The following PPM1L variants were observed in gnomAD, a reference collection of about 807,000 sequenced individuals.
PPM1L encodes protein phosphatase 1L.
In PPM1L, 13 loss-of-function variants were observed where a neutral mutation model predicts 31.4. The ratio of observed to expected loss-of-function variants is 0.41; its 90% CI spans 0.27 to 0.66. The LOEUF is 0.66. PPM1L is among the 30% of genes least tolerant of loss of function. The probability of loss-of-function intolerance (pLI) is 0.29; values close to 1 mark genes in which losing one functional copy is unlikely to be tolerated. For synonymous variants in PPM1L, 184 were observed against 175.4 expected, an observed-to-expected ratio of 1.05 and a Z score of -0.39; for missense variants, 326 against 453.7, an observed-to-expected ratio of 0.72 and a Z score of 2.56.
chr3:161,067,893 T>G (rs891467657), intron 3 of PPM1L, among the ~76,000 whole-genome samples: 1 of 152,256 alleles, frequency 6.6e-6, no homozygotes, highest in African/African-American at 2.4e-5. Flanking sequence ...CCTACAGCAT[T>G]TAGCAGACAC....
intron 1 of PPM1L, among the ~76,000 whole-genome samples, chr3:160,881,466 G>A (rs1712710517): frequency 6.6e-6 from 1 of 151,924 alleles, no homozygotes; most frequent in African/African-American, 2.4e-5. Context: ...AAGCCTGATT[G>A]GTATATAATA....
Position 160,857,418 on chromosome 3 carries a change from G to C in PPM1L, c.399+100711G>C, listed in dbSNP as rs534994485. 1.4e-4 allele frequency among the ~76,000 whole-genome samples: 21 copies of C among 152,230 alleles called. No homozygotes were observed. In the South Asian group the frequency reaches 4.1e-3, roughly 30 times the overall value. On this transcript the variant is annotated intron_variant, in intron 1 of 3. Transcript: ENST00000498165. ...CAGTTGTTTTTTGGTTGTGTTTCTG[G>C]TTGGATAATCCAGATCAGACTTTGT...
chr3:160,766,180 TA>T (rs1273971509), intron 1 of PPM1L, among the ~76,000 whole-genome samples: 1 of 152,190 alleles, frequency 6.6e-6, no homozygotes, highest in East Asian at 1.9e-4. Flanking sequence ...AGAGCATTTT[TA>T]TTAATATTTA....
intron 1 of PPM1L, among the ~76,000 whole-genome samples, chr3:160,907,562 A>G (rs1713806058): frequency 6.6e-6 from 1 of 152,054 alleles, no homozygotes; most frequent in African/African-American, 2.4e-5. Flanking sequence ...TCTTGTATAT[A>G]TAAGTGTTTT....
At chr3:160,984,800 T>G (rs1212061114) in intron 2 of PPM1L, among the ~76,000 whole-genome samples, 1 of 152,174 alleles carries the variant, frequency 6.6e-6, no homozygotes, top group African/African-American at 2.4e-5. Context: ...ATGAACTCTT[T>G]CCTTTACAAG....
intron 2 of PPM1L, among the ~76,000 whole-genome samples, chr3:161,042,555 C>G (rs1718941937): frequency 6.6e-6 from 1 of 152,184 alleles, no homozygotes; most frequent in African/African-American, 2.4e-5. Flanking sequence ...TCCATGCCAC[C>G]TGGCAGTTTT....
chr3:160,970,939 C>T (rs928842089), intron 2 of PPM1L, among the ~76,000 whole-genome samples: 1 of 151,808 alleles, frequency 6.6e-6, no homozygotes, highest in African/African-American at 2.4e-5. Flanking sequence ...TACAGGCGCC[C>T]GCCACCTCGC....
chr3:160,940,722 C>T (rs761007263), intron 1 of PPM1L, among the ~76,000 whole-genome samples: 8 of 152,302 alleles, frequency 5.3e-5, no homozygotes, highest in South Asian at 2.1e-4. Context: ...TTGCTGCAGG[C>T]GTGGGGCCCT....
At chr3:160,924,622 C>T (rs1476884617) in intron 1 of PPM1L, among the ~76,000 whole-genome samples, 1 of 152,150 alleles carries the variant, frequency 6.6e-6, no homozygotes. Context: ...ACGCAGCATC[C>T]TTAGTATAGT....
chr3:160,835,093 T>TTTCTTTC (rs1713669968), intron 1 of PPM1L, among the ~76,000 whole-genome samples: 3 of 144,330 alleles, frequency 2.1e-5, no homozygotes, highest in Non-Finnish European at 4.5e-5. Context: ...TTCTTTCTTT[T>TTTCTTTC]TTCTTTCTTC....
chr3:160,906,350 TC>T (rs1560146428), intron 1 of PPM1L, among the ~76,000 whole-genome samples: 1 of 152,118 alleles, frequency 6.6e-6, no homozygotes, highest in Non-Finnish European at 1.5e-5. Flanking sequence ...ACGCCTGTAA[TC>T]CCAGCATTTT....
intron 1 of PPM1L, among the ~76,000 whole-genome samples, chr3:160,868,152 G>A (rs565726260): frequency 3.3e-5 from 5 of 152,256 alleles, no homozygotes; most frequent in South Asian, 2.1e-4. Context: ...AGCCATATGC[G>A]TCAAACTGAG....
intron 1 of PPM1L, among the ~76,000 whole-genome samples, chr3:160,881,774 G>A (rs915279676): frequency 1.6e-4 from 24 of 152,140 alleles, no homozygotes; most frequent in African/African-American, 3.6e-4. Context: ...TATTCCGGCC[G>A]GGCGCGGTGG....
chr3:161,026,357 C>A (rs1305472618), intron 2 of PPM1L, among the ~76,000 whole-genome samples: 2 of 152,150 alleles, frequency 1.3e-5, no homozygotes, highest in Non-Finnish European at 2.9e-5. Flanking sequence ...GCTGGGAAGA[C>A]CTCTCAGAAG....
chr3:160,920,631 ACACACACT>A (rs879357751), intron 1 of PPM1L, among the ~76,000 whole-genome samples: 4,417 of 123,730 alleles, frequency 0.036, 95 homozygotes, highest in Non-Finnish European at 0.04. Context: ...ACACACACAC[ACACACACT>A]CACACACACA....
chr3:160,875,043 A>G (rs1712457239), intron 1 of PPM1L, among the ~76,000 whole-genome samples: 1 of 152,198 alleles, frequency 6.6e-6, no homozygotes, highest in South Asian at 2.1e-4. Context: ...TTCATGAACA[A>G]AATGAACATT....
At chr3:161,058,118 C>CT (rs1186931971) in intron 2 of PPM1L, among the ~76,000 whole-genome samples, 2,980 of 54,704 alleles carry the variant, frequency 0.054, 587 homozygotes, top group Admixed American at 0.12. Flanking sequence ...ATTTTCTTTC[C>CT]TTTTTTTTTT....
intron 2 of PPM1L, among the ~76,000 whole-genome samples, chr3:160,975,362 T>C (rs1716528658): frequency 6.6e-6 from 1 of 152,124 alleles, no homozygotes; most frequent in African/African-American, 2.4e-5. Flanking sequence ...GCGGGCTCTT[T>C]TTTGGTTCCA....
chr3:160,954,873 A>G (rs1715691524), intron 1 of PPM1L, among the ~76,000 whole-genome samples: 1 of 148,254 alleles, frequency 6.7e-6, no homozygotes. Context: ...AATATTTCCT[A>G]GGTTTTTGTT....
Sources: allele counts gnomAD v4.1 joint callset (sites outside exome capture counted in the v4.1 genomes callset), GRCh38; gene constraint gnomAD v4.1.1; transcripts MANE v1.5; gene names NCBI Gene and HGNC (gene_info 2026-07-23, HGNC 2026-07-21).